The following SUCLG2 variants were observed in gnomAD, a reference collection of about 807,000 sequenced individuals.
The protein encoded by SUCLG2 is succinate--CoA ligase [GDP-forming] subunit beta, mitochondrial.
SUCLG2 carries 42 observed loss-of-function variants against 47.9 expected under a neutral mutation model. The ratio of observed to expected loss-of-function variants is 0.88; its 90% confidence interval spans 0.69 to 1.14. The LOEUF is 1.14. Among genes scored for constraint, SUCLG2 ranks in the 50% most tolerant of loss-of-function variants. SUCLG2 has a pLI of 0.00. For synonymous variants in SUCLG2, 195 were observed against 197.3 expected (o/e 0.99, Z 0.10); for missense variants, 571 against 525.9 (o/e 1.09, Z -0.84).
chr3:67,511,494 G>C (rs181361587), intron 6 of SUCLG2, among the ~76,000 whole-genome samples: 1 of 152,174 alleles, frequency 6.6e-6, no homozygotes, highest in East Asian at 1.9e-4. Flanking sequence ...TTTTATAAAG[G>C]GGGGGTTCCT....
chr3:67,381,369 T>G (rs1385081633), intron 10 of SUCLG2, among the ~76,000 whole-genome samples: 1 of 152,182 alleles, frequency 6.6e-6, no homozygotes, highest in Non-Finnish European at 1.5e-5. Context: ...TATTTTCTTC[T>G]TAATTCACCA....
chr3:67,396,756 C>T (rs1050157962), intron 10 of SUCLG2, among the ~76,000 whole-genome samples: 9 of 152,092 alleles, frequency 5.9e-5, no homozygotes, highest in South Asian at 2.1e-4. Flanking sequence ...TGATGAACAT[C>T]GATGCAAAAA....
At chr3:67,615,180 G>C (rs1164748195) in intron 1 of SUCLG2, among the ~76,000 whole-genome samples, 1 of 151,408 alleles carries the variant, frequency 6.6e-6, no homozygotes, top group Non-Finnish European at 1.5e-5. Context: ...AGAACCAGAA[G>C]ATAACAAGAC....
chr3:67,576,065 G>A (rs4856791), intron 2 of SUCLG2, among the ~76,000 whole-genome samples: 40,413 of 152,064 alleles, frequency 0.27, 6,146 homozygotes, highest in East Asian at 0.42. Context: ...GAATTTCCAT[G>A]TAACTGCAGC....
At chr3:67,431,849 A>T (rs1703492954) in intron 9 of SUCLG2, among the ~76,000 whole-genome samples, 1 of 152,248 alleles carries the variant, frequency 6.6e-6, no homozygotes, top group Admixed American at 6.5e-5. Flanking sequence ...ACAAACCTGC[A>T]CGTTGTGCAC....
At chr3:67,620,532 A>T (rs9835259) in intron 1 of SUCLG2, among the ~76,000 whole-genome samples, 64,792 of 147,256 alleles carry the variant, frequency 0.44, 14,539 homozygotes, top group African/African-American at 0.49. Flanking sequence ...TTGCAGTGAA[A>T]CGAGAATGCA....
At chr3:67,601,335 C>CT (rs1708413474) in intron 2 of SUCLG2, among the ~76,000 whole-genome samples, 1 of 152,050 alleles carries the variant, frequency 6.6e-6, no homozygotes, top group African/African-American at 2.4e-5. Context: ...TTATTTTTTA[C>CT]TTTTTTGTAA....
At chr3:67,459,750 C>T (rs1704279761) in intron 9 of SUCLG2, among the ~76,000 whole-genome samples, 2 of 152,148 alleles carry the variant, frequency 1.3e-5, no homozygotes, top group South Asian at 4.1e-4. Flanking sequence ...CATAAAGGAA[C>T]ACTGGTGGTA....
At chr3:67,495,971 C>T (rs747070209) in intron 8 of SUCLG2, 31 bp from the exon 9 acceptor site, 3 of 1,612,808 alleles carry the variant, frequency 1.9e-6, no homozygotes, top group Admixed American at 1.7e-5. Context: ...ACAAGACAGG[C>T]TACATTTAGC....
At chr3:67,562,648 T>C (rs892472305) in intron 2 of SUCLG2, among the ~76,000 whole-genome samples, 1 of 152,242 alleles carries the variant, frequency 6.6e-6, no homozygotes, top group Non-Finnish European at 1.5e-5. Context: ...CGATGGTTAA[T>C]GGTCAAGTGT....
chr3:67,456,984 A>G (rs1292415796), intron 9 of SUCLG2, among the ~76,000 whole-genome samples: 1 of 152,248 alleles, frequency 6.6e-6, no homozygotes, highest in Non-Finnish European at 1.5e-5. Context: ...ATGAATGCAT[A>G]ATTTTTGTAA....
At chr3:67,382,552 TG>T (rs775048095) in intron 10 of SUCLG2, among the ~76,000 whole-genome samples, 4 of 152,244 alleles carry the variant, frequency 2.6e-5, no homozygotes, top group Non-Finnish European at 5.9e-5. Flanking sequence ...TGCCTCTTTT[TG>T]TATCACCTGC....
intron 1 of SUCLG2, among the ~76,000 whole-genome samples, chr3:67,651,937 G>A (rs1291910607): frequency 6.6e-6 from 1 of 152,068 alleles, no homozygotes; most frequent in Non-Finnish European, 1.5e-5. Flanking sequence ...TTGGTTATAT[G>A]TGTACTGGCT....
At chr3:67,616,277 A>C (rs1700626988) in intron 1 of SUCLG2, among the ~76,000 whole-genome samples, 1 of 152,194 alleles carries the variant, frequency 6.6e-6, no homozygotes. Flanking sequence ...AGCATTGACT[A>C]ATCTAGCCTA....
At chr3:67,584,918 C>A (rs1325372181) in intron 2 of SUCLG2, among the ~76,000 whole-genome samples, 1 of 152,028 alleles carries the variant, frequency 6.6e-6, no homozygotes, top group Non-Finnish European at 1.5e-5. Flanking sequence ...TACCTCCCAC[C>A]GGGTCCCTCC....
Position 67,375,531 on chromosome 3 carries a change from G to T in SUCLG2, c.*213C>A, listed in dbSNP as rs1702016153. Reference sequence around the variant, plus strand: ...GGCTTACAGTGACAGAAAAGTATGAGAACACAAGATATTATTTTTATAAAG... The same window carrying T: ...GGCTTACAGTGACAGAAAAGTATGATAACACAAGATATTATTTTTATAAAG... On this transcript the variant is annotated 3_prime_UTR_variant, in exon 11 of 11. Coordinates refer to ENST00000307227, the MANE Select transcript of SUCLG2 (RefSeq NM_003848.4). The T allele has an allele frequency of 2.3e-6, 3 of 1,330,092 alleles. No individual in the cohort carries two copies. In the African/African-American group the frequency reaches 4.5e-5, roughly 20 times the overall value. The allele number at this position is 1,330,092 out of a possible 1,614,324, so 82.4% of individuals were successfully genotyped here.
At chr3:67,554,644 CTT>C (rs1278436535) in intron 2 of SUCLG2, among the ~76,000 whole-genome samples, 1 of 152,110 alleles carries the variant, frequency 6.6e-6, no homozygotes, top group Non-Finnish European at 1.5e-5. Context: ...ACGTTGAAAA[CTT>C]TACATAAGAG....
chr3:67,442,613 A>G (rs1453092870), intron 9 of SUCLG2, among the ~76,000 whole-genome samples: 1 of 152,200 alleles, frequency 6.6e-6, no homozygotes, highest in East Asian at 1.9e-4. Flanking sequence ...ATGACCAAAG[A>G]CTTTGGGTGG....
intron 1 of SUCLG2, among the ~76,000 whole-genome samples, chr3:67,609,928 G>A (rs560288721): frequency 5.7e-4 from 86 of 152,148 alleles, no homozygotes; most frequent in Middle Eastern, 3.4e-3. Flanking sequence ...CAGCATTAGG[G>A]GAAGCTGGAT....
Sources: allele counts gnomAD v4.1 joint callset (sites outside exome capture counted in the v4.1 genomes callset), GRCh38; gene constraint gnomAD v4.1.1; transcripts MANE v1.5; gene names NCBI Gene and HGNC (gene_info 2026-07-23, HGNC 2026-07-21).